Variants in TMEM232 observed in about 807,000 individuals in gnomAD.
TMEM232 encodes transmembrane protein 232.
In TMEM232, 80 loss-of-function variants were observed where a neutral mutation model predicts 78.8. The observed-to-expected ratio is 1.01, with a 90% CI of 0.85 to 1.22. TMEM232 has a LOEUF of 1.22. Among genes scored for constraint, TMEM232 ranks in the 50% most tolerant of loss-of-function variants. The pLI is 0.00. For synonymous variants in TMEM232, 297 were observed against 254.3 expected (o/e 1.17, Z -1.60); for missense variants, 881 against 742.2 (o/e 1.19, Z -2.17).
rs1765605776 is a variant in TMEM232 at position 110,496,051 on chromosome 5, TG to T, written c.1703+32536del. Among the ~76,000 whole-genome samples the T allele has an allele frequency of 7.2e-5, 11 of 151,924 alleles. No individual in the cohort carries two copies. The South Asian group carries it at 2.1e-3, about 29-fold the overall frequency. On this transcript the variant is annotated intron_variant, in intron 12 of 13. Transcript: ENST00000455884. Reference sequence around the variant, plus strand: ...TTTATAATTCAATCCTGTAATTTCTTGGGAAAATTGCATTCAAATCACAAAA... The same window carrying T: ...TTTATAATTCAATCCTGTAATTTCTTGGAAAATTGCATTCAAATCACAAAA...
At chr5:110,502,832 T>C (rs1766421294) in intron 12 of TMEM232, among the ~76,000 whole-genome samples, 1 of 152,218 alleles carries the variant, frequency 6.6e-6, no homozygotes, top group East Asian at 1.9e-4. Flanking sequence ...AAGTTCATTC[T>C]CTTCCAGCAG....
chr5:110,407,775 C>G (rs555845840), intron 2 of TMEM232, among the ~76,000 whole-genome samples: 3 of 152,198 alleles, frequency 2.0e-5, no homozygotes, highest in Non-Finnish European at 4.4e-5. Flanking sequence ...ACATGTTAAG[C>G]CACAAAACAA....
At chr5:110,708,468 T>G (rs1796157295) in intron 1 of TMEM232, among the ~76,000 whole-genome samples, 1 of 152,184 alleles carries the variant, frequency 6.6e-6, no homozygotes, top group African/African-American at 2.4e-5. Context: ...AATCATGGTA[T>G]GTAAACTACT....
chr5:110,646,015 A>C (rs1484362766), intron 2 of TMEM232, among the ~76,000 whole-genome samples: 1 of 151,662 alleles, frequency 6.6e-6, no homozygotes, highest in Non-Finnish European at 1.5e-5. Flanking sequence ...AAGAGGTGAA[A>C]GACCTGTACA....
intron 1 of TMEM232, among the ~76,000 whole-genome samples, chr5:110,668,903 A>G (rs1790975908): frequency 1.3e-5 from 2 of 152,234 alleles, no homozygotes; most frequent in Non-Finnish European, 2.9e-5. Flanking sequence ...AAATGAAGGC[A>G]GAAATAAAGA....
chr5:110,398,481 G>GCCACAGAA (rs989607081), intron 2 of TMEM232, among the ~76,000 whole-genome samples: 1 of 152,126 alleles, frequency 6.6e-6, no homozygotes, highest in Non-Finnish European at 1.5e-5. Context: ...TATGGTTGGT[G>GCCACAGAA]CCACAGAACC....
intron 11 of TMEM232, among the ~76,000 whole-genome samples, chr5:110,551,372 G>T (rs1160592891): frequency 6.6e-6 from 1 of 151,910 alleles, no homozygotes; most frequent in African/African-American, 2.4e-5. Context: ...ACAGGCACTT[G>T]CCACCGCGCC....
chr5:110,450,406 T>G (rs534676465), intron 12 of TMEM232, among the ~76,000 whole-genome samples: 4 of 152,312 alleles, frequency 2.6e-5, no homozygotes, highest in African/African-American at 4.8e-5. Context: ...TGTCCAGGTT[T>G]CATCTCTCTC....
chr5:110,485,893 A>G (rs1337648900), intron 12 of TMEM232, among the ~76,000 whole-genome samples: 1 of 152,116 alleles, frequency 6.6e-6, no homozygotes, highest in East Asian at 1.9e-4. Context: ...GAATCTCCAC[A>G]CTGTTTCCAT....
intron 8 of TMEM232, among the ~76,000 whole-genome samples, chr5:110,608,938 A>C (rs1781839534): frequency 6.6e-6 from 1 of 152,098 alleles, no homozygotes; most frequent in African/African-American, 2.4e-5. Context: ...AATAATATGT[A>C]ACTATTATAG....
chr5:110,534,612 A>G (rs1772050254), intron 11 of TMEM232, among the ~76,000 whole-genome samples: 1 of 152,138 alleles, frequency 6.6e-6, no homozygotes, highest in South Asian at 2.1e-4. Flanking sequence ...ACCGTTCTCA[A>G]CTACTCATAC....
chr5:110,469,914 A>C (rs989072972), intron 12 of TMEM232, among the ~76,000 whole-genome samples: 18 of 152,078 alleles, frequency 1.2e-4, no homozygotes, highest in African/African-American at 4.8e-5. Flanking sequence ...TAGTCCCCTA[A>C]AATTTGAGCT....
At chr5:110,494,194 G>C (rs950625151) in intron 12 of TMEM232, among the ~76,000 whole-genome samples, 10 of 151,812 alleles carry the variant, frequency 6.6e-5, no homozygotes, top group African/African-American at 2.4e-4. Flanking sequence ...TAAGTATTAA[G>C]TTCAACCTCA....
At chr5:110,489,063 AAAAG>A (rs1764760269) in intron 12 of TMEM232, among the ~76,000 whole-genome samples, 1 of 151,970 alleles carries the variant, frequency 6.6e-6, no homozygotes, top group South Asian at 2.1e-4. Context: ...TGAGTAACAA[AAAAG>A]AAAGTCTCAA....
intron 11 of TMEM232, among the ~76,000 whole-genome samples, chr5:110,533,991 A>G (rs1013659478): frequency 2.0e-5 from 3 of 152,206 alleles, no homozygotes; most frequent in Middle Eastern, 3.4e-3. Flanking sequence ...CTCAAGGATT[A>G]TTGAGGCCCT....
At chr5:110,615,045 A>G (rs1782754905) in intron 8 of TMEM232, among the ~76,000 whole-genome samples, 1 of 151,974 alleles carries the variant, frequency 6.6e-6, no homozygotes, top group Non-Finnish European at 1.5e-5. Context: ...TGCAATACTC[A>G]GTAGGTGTCT....
At chr5:110,411,460 T>C (rs1484424040) in intron 2 of TMEM232, among the ~76,000 whole-genome samples, 1 of 152,208 alleles carries the variant, frequency 6.6e-6, no homozygotes, top group Non-Finnish European at 1.5e-5. Flanking sequence ...TTTTTAATTG[T>C]GGTAGAATAC....
chr5:110,399,881 C>G (rs901658475), intron 2 of TMEM232, among the ~76,000 whole-genome samples: 1 of 152,150 alleles, frequency 6.6e-6, no homozygotes. Flanking sequence ...ATCGTAGTCT[C>G]CCCAAAGTCT....
chr5:110,418,521 ATCTC>A (rs202151823), downstream of TMEM232, among the ~76,000 whole-genome samples: 1,522 of 152,154 alleles, frequency 0.01, 29 homozygotes, highest in African/African-American at 0.033. Flanking sequence ...CTGATTAATC[ATCTC>A]TCTCTCTCCT....
Sources: allele counts gnomAD v4.1 joint callset (sites outside exome capture counted in the v4.1 genomes callset), GRCh38; gene constraint gnomAD v4.1.1; transcripts MANE v1.5; gene names NCBI Gene and HGNC (gene_info 2026-07-23, HGNC 2026-07-21).